LRRTM4: variants seen among roughly 807,000 people sequenced by gnomAD.
The protein encoded by LRRTM4 is leucine-rich repeat transmembrane neuronal protein 4.
LRRTM4 carries 25 observed loss-of-function variants against 47.6 expected under a neutral mutation model. The ratio of observed to expected loss-of-function variants is 0.53; its 90% CI spans 0.38 to 0.73. The LOEUF (loss-of-function observed/expected upper bound fraction) is 0.73. LRRTM4 is among the 30% of genes least tolerant of loss of function. The pLI is 0.00. For missense variants in LRRTM4, 638 were observed against 713.4 expected (o/e 0.89, Z 1.20); for synonymous variants, 311 against 269.5 (o/e 1.15, Z -1.51).
intron 3 of LRRTM4, among the ~76,000 whole-genome samples, chr2:77,157,038 C>G (rs1364972459): frequency 1.3e-5 from 2 of 151,816 alleles, no homozygotes; most frequent in African/African-American, 2.4e-5. Flanking sequence ...ATTAAATATA[C>G]AAGTTATTAA....
intron 3 of LRRTM4, among the ~76,000 whole-genome samples, chr2:77,504,989 A>G (rs952742953): frequency 6.6e-6 from 1 of 151,390 alleles, no homozygotes; most frequent in African/African-American, 2.4e-5. Context: ...TTCAAGGGAA[A>G]ACAATTTCTA....
At chr2:76,816,727 G>A (rs1442139096) in intron 3 of LRRTM4, among the ~76,000 whole-genome samples, 1 of 149,344 alleles carries the variant, frequency 6.7e-6, no homozygotes, top group Middle Eastern at 3.6e-3. Flanking sequence ...TATTCAGAAA[G>A]CTCCTCGAGC....
At chr2:77,506,886 C>T (rs1417713888) in intron 3 of LRRTM4, among the ~76,000 whole-genome samples, 1 of 151,870 alleles carries the variant, frequency 6.6e-6, no homozygotes, top group African/African-American at 2.4e-5. Context: ...AAAAGCATTC[C>T]TATTCATAAT....
At chr2:77,217,819 A>G (rs1441403463) in intron 3 of LRRTM4, among the ~76,000 whole-genome samples, 2 of 152,136 alleles carry the variant, frequency 1.3e-5, no homozygotes, top group Non-Finnish European at 2.9e-5. Context: ...TACTGAGAGC[A>G]TGGAACATTC....
intron 3 of LRRTM4, among the ~76,000 whole-genome samples, chr2:77,387,646 A>T (rs1673336221): frequency 6.6e-6 from 1 of 152,148 alleles, no homozygotes; most frequent in Non-Finnish European, 1.5e-5. Flanking sequence ...GTCTTCTGCC[A>T]GCTTGTATGA....
chr2:77,443,091 G>C (rs979693389), intron 3 of LRRTM4, among the ~76,000 whole-genome samples: 7 of 152,116 alleles, frequency 4.6e-5, no homozygotes, highest in African/African-American at 1.7e-4. Flanking sequence ...GCTGATAAAA[G>C]GGTCTCAAAG....
At chr2:77,091,800 C>T (rs1670650781) in intron 3 of LRRTM4, among the ~76,000 whole-genome samples, 1 of 150,356 alleles carries the variant, frequency 6.7e-6, no homozygotes, top group African/African-American at 2.4e-5. Flanking sequence ...TCATCTGTTA[C>T]CTATCTTGGC....
At chr2:77,069,360 T>C (rs1680071110) in intron 3 of LRRTM4, among the ~76,000 whole-genome samples, 1 of 151,956 alleles carries the variant, frequency 6.6e-6, no homozygotes, top group South Asian at 2.1e-4. Context: ...CTTGGATATA[T>C]ACCTAGAAGT....
intron 3 of LRRTM4, among the ~76,000 whole-genome samples, chr2:77,042,521 CTG>C (rs1348589939): frequency 5.3e-5 from 8 of 151,558 alleles, no homozygotes; most frequent in Non-Finnish European, 1.0e-4. Context: ...CTCAACCAAA[CTG>C]GAATTATAAC....
intron 3 of LRRTM4, among the ~76,000 whole-genome samples, chr2:77,355,929 C>A (rs1671949488): frequency 6.6e-6 from 1 of 152,054 alleles, no homozygotes; most frequent in African/African-American, 2.4e-5. Context: ...CCTAATTTTA[C>A]AAACTACAAA....
At chr2:76,826,224 A>T (rs907945288) in intron 3 of LRRTM4, among the ~76,000 whole-genome samples, 4 of 151,742 alleles carry the variant, frequency 2.6e-5, no homozygotes, top group Non-Finnish European at 4.4e-5. Flanking sequence ...TACAATTTTT[A>T]ATGAGACAAA....
chr2:77,463,682 A>T (rs368374435), intron 3 of LRRTM4, among the ~76,000 whole-genome samples: 1 of 152,104 alleles, frequency 6.6e-6, no homozygotes, highest in Admixed American at 6.6e-5. Context: ...ACCTTGTTAC[A>T]TTCCTCCTAG....
At chr2:77,281,487 T>C (rs2104100658) in intron 3 of LRRTM4, among the ~76,000 whole-genome samples, 1 of 152,098 alleles carries the variant, frequency 6.6e-6, no homozygotes, top group African/African-American at 2.4e-5. Context: ...TAAATAGTAA[T>C]TTATTTTTTA....
Position 76,886,887 on chromosome 2 carries a change from T to C in LRRTM4, c.1552-137971A>G, listed in dbSNP as rs1003583197. ...AGAGGGTATGTCTCTAAATGAAATA[T>C]TGAGCACAAGACGACTATTGATTCA... On this transcript the variant is annotated intron_variant, in intron 3 of 3. Transcript: ENST00000409884. Among the ~76,000 whole-genome samples, 5 of 152,102 alleles carry C rather than the reference T, an allele frequency of 3.3e-5. No homozygotes were observed. The East Asian group carries it at 5.8e-4, about 18-fold the overall frequency.
At chr2:77,154,083 G>T (rs981657842) in intron 3 of LRRTM4, among the ~76,000 whole-genome samples, 2 of 152,208 alleles carry the variant, frequency 1.3e-5, no homozygotes, top group African/African-American at 4.8e-5. Flanking sequence ...CAAATGAAGA[G>T]AATTTGTGGG....
chr2:77,067,423 T>G (rs1252800906), intron 3 of LRRTM4, among the ~76,000 whole-genome samples: 1 of 151,800 alleles, frequency 6.6e-6, no homozygotes, highest in South Asian at 2.1e-4. Flanking sequence ...TTAGGATCAT[T>G]GGGCACCTAC....
At position 77,233,531 on chromosome 2, in the gene LRRTM4, TTTTG is replaced by T. The variant is rs137886482; in HGVS notation, c.1551+284783_1551+284786del. 5.8e-3 allele frequency among the ~76,000 whole-genome samples: 882 copies of T among 152,310 alleles called. 3 individuals carry two copies. The highest frequency in any genetic ancestry group is 9.2e-3 in the Non-Finnish European group (626 of 68,024). ...GTTTTTATTTCTAAATATTACTATA[TTTTG>T]TTTATTTAATTTTCTACATATGAAG... On this transcript the variant is annotated intron_variant, in intron 3 of 3. Transcript: ENST00000409884.
chr2:77,056,886 C>T (rs935045727), intron 3 of LRRTM4, among the ~76,000 whole-genome samples: 6 of 152,126 alleles, frequency 3.9e-5, no homozygotes, highest in Admixed American at 2.0e-4. Context: ...GAAGATAATG[C>T]TTATAGCCCA....
chr2:76,902,023 A>G (rs751535030), intron 3 of LRRTM4, among the ~76,000 whole-genome samples: 1 of 152,188 alleles, frequency 6.6e-6, no homozygotes, highest in Non-Finnish European at 1.5e-5. Flanking sequence ...GAAAAAGAAC[A>G]AGATAGTTTT....
Sources: gnomAD v4.1 joint callset for allele counts (sites outside exome capture counted in the v4.1 genomes callset) on GRCh38, gnomAD v4.1.1 for gene constraint, MANE v1.5 for transcripts, NCBI Gene and HGNC (gene_info 2026-07-23, HGNC 2026-07-21) for gene names.